FSTL5: variants seen among roughly 807,000 people sequenced by gnomAD.
FSTL5 encodes the protein follistatin like 5.
Under a neutral mutation model 89.1 loss-of-function variants are expected in FSTL5, and 62 were observed. The observed-to-expected ratio is 0.70, with a 90% CI of 0.57 to 0.86. The LOEUF is 0.86. Among genes scored for constraint, FSTL5 ranks in the 40% least tolerant of loss-of-function variants. The pLI is 0.00. For synonymous variants in FSTL5, 383 were observed against 346.2 expected (o/e 1.11, Z -1.18); for missense variants, 1,057 against 1,001.6 (o/e 1.06, Z -0.75).
intron 7 of FSTL5, among the ~76,000 whole-genome samples, chr4:161,607,611 G>A (rs776115444): frequency 4.6e-5 from 7 of 152,092 alleles, no homozygotes; most frequent in Non-Finnish European, 8.8e-5. Flanking sequence ...AGACTGCATG[G>A]CTATATTTTC....
intron 3 of FSTL5, among the ~76,000 whole-genome samples, chr4:162,010,720 T>C (rs545853833): frequency 6.6e-6 from 1 of 152,244 alleles, no homozygotes; most frequent in East Asian, 1.9e-4. Flanking sequence ...TGCGTTTGGC[T>C]TCTTTCACTT....
At chr4:161,908,125 G>T (rs949632884) in intron 4 of FSTL5, among the ~76,000 whole-genome samples, 4 of 151,858 alleles carry the variant, frequency 2.6e-5, no homozygotes, top group African/African-American at 4.8e-5. Flanking sequence ...AAGAATGAGA[G>T]TCCCTGCAAT....
At chr4:161,392,182 T>A (rs1730843035) in intron 15 of FSTL5, among the ~76,000 whole-genome samples, 1 of 152,120 alleles carries the variant, frequency 6.6e-6, no homozygotes, top group African/African-American at 2.4e-5. Flanking sequence ...GTCTACCACT[T>A]CTAGTGAGTA....
At chr4:161,793,858 C>T (rs1256587372) in intron 4 of FSTL5, among the ~76,000 whole-genome samples, 1 of 152,162 alleles carries the variant, frequency 6.6e-6, no homozygotes, top group East Asian at 1.9e-4. Context: ...ACCCTCCTGC[C>T]TCGGCTTCCC....
At chr4:161,890,241 T>C (rs1248784195) in intron 4 of FSTL5, among the ~76,000 whole-genome samples, 3 of 152,140 alleles carry the variant, frequency 2.0e-5, no homozygotes, top group Non-Finnish European at 4.4e-5. Flanking sequence ...TGGGTACACA[T>C]GATTAAACGT....
chr4:161,729,033 G>A (rs13119737), intron 6 of FSTL5, among the ~76,000 whole-genome samples: 19,839 of 152,000 alleles, frequency 0.13, 1,314 homozygotes, highest in Middle Eastern at 0.21. Context: ...TTACTTTCTG[G>A]AAGCACTGCC....
intron 7 of FSTL5, among the ~76,000 whole-genome samples, chr4:161,592,285 CATT>C (rs1332278616): frequency 6.6e-6 from 1 of 151,752 alleles, no homozygotes; most frequent in African/African-American, 2.4e-5. Flanking sequence ...TTATTATTAT[CATT>C]ATTATACATT....
intron 7 of FSTL5, among the ~76,000 whole-genome samples, chr4:161,614,658 A>G (rs1304928427): frequency 6.6e-6 from 1 of 152,214 alleles, no homozygotes; most frequent in Non-Finnish European, 1.5e-5. Context: ...CATTGCAAGT[A>G]ATCACTATAA....
chr4:161,960,310 G>A (rs1348837770), intron 3 of FSTL5, among the ~76,000 whole-genome samples: 1 of 151,508 alleles, frequency 6.6e-6, no homozygotes, highest in East Asian at 1.9e-4. Context: ...AGGATTATAG[G>A]CATGTGGCAC....
chr4:161,575,027 A>C (rs1733161757), intron 8 of FSTL5, among the ~76,000 whole-genome samples: 1 of 152,136 alleles, frequency 6.6e-6, no homozygotes, highest in African/African-American at 2.4e-5. Context: ...CTGACTTTTT[A>C]ATAATCGCCA....
intron 8 of FSTL5, among the ~76,000 whole-genome samples, chr4:161,553,886 G>A (rs1732298626): frequency 6.6e-6 from 1 of 151,526 alleles, no homozygotes; most frequent in South Asian, 2.1e-4. Context: ...CTATTGCTCA[G>A]TTTAAAAACG....
chr4:161,498,988 C>A lies in FSTL5; in HGVS notation c.1458+1028G>T, dbSNP rs1045111075. Among the ~76,000 whole-genome samples, 3 of 152,136 alleles carry A rather than the reference C, an allele frequency of 2.0e-5. No individual in the cohort carries two copies. The South Asian group carries it at 6.2e-4, about 32-fold the overall frequency. ...GGCCGAGGAGGGTGCATCACGAGGTCAGGAGTTCGAGATCAGCCTGGCCAA... is the reference window on the plus strand; with the variant it reads ...GGCCGAGGAGGGTGCATCACGAGGTAAGGAGTTCGAGATCAGCCTGGCCAA... On this transcript the variant is annotated intron_variant, in intron 12 of 15. Coordinates refer to ENST00000306100, the MANE Select transcript of FSTL5 (RefSeq NM_020116.5).
chr4:161,532,505 A>G (rs1731447266), intron 10 of FSTL5, among the ~76,000 whole-genome samples: 1 of 152,166 alleles, frequency 6.6e-6, no homozygotes, highest in Non-Finnish European at 1.5e-5. Flanking sequence ...AATCCCTGAA[A>G]TTATTTTTTG....
chr4:161,941,763 C>A (rs1005828274), intron 3 of FSTL5, among the ~76,000 whole-genome samples: 1 of 151,780 alleles, frequency 6.6e-6, no homozygotes, highest in Non-Finnish European at 1.5e-5. Context: ...AAATAAAGAA[C>A]TTTTCAAACA....
chr4:162,156,924 T>A (rs1579071439), intron 1 of FSTL5, among the ~76,000 whole-genome samples: 2 of 152,060 alleles, frequency 1.3e-5, no homozygotes, highest in South Asian at 2.1e-4. Flanking sequence ...TAACTTTTTT[T>A]AAAAAAAGAT....
At chr4:161,400,766 T>G (rs367806611) in intron 15 of FSTL5, among the ~76,000 whole-genome samples, 2 of 152,262 alleles carry the variant, frequency 1.3e-5, no homozygotes, top group African/African-American at 4.8e-5. Context: ...GATAAAATGC[T>G]TGCAGCTATT....
intron 15 of FSTL5, among the ~76,000 whole-genome samples, chr4:161,408,121 C>T (rs1166265930): frequency 6.6e-6 from 1 of 152,112 alleles, no homozygotes; most frequent in Non-Finnish European, 1.5e-5. Flanking sequence ...AACAGTTTGG[C>T]ATTGGAGGTG....
At chr4:161,852,535 T>G (rs570537172) in intron 4 of FSTL5, among the ~76,000 whole-genome samples, 43 of 152,314 alleles carry the variant, frequency 2.8e-4, no homozygotes, top group African/African-American at 9.1e-4. Context: ...AGTTCAACCA[T>G]TGTGGAAGAC....
intron 11 of FSTL5, among the ~76,000 whole-genome samples, chr4:161,508,494 A>G (rs891601440): frequency 1.3e-5 from 2 of 152,156 alleles, no homozygotes; most frequent in Non-Finnish European, 2.9e-5. Context: ...TGAAATCGTG[A>G]TGCATAAGAA....
Sources: gnomAD v4.1 joint callset for allele counts (sites outside exome capture counted in the v4.1 genomes callset) on GRCh38, gnomAD v4.1.1 for gene constraint, MANE v1.5 for transcripts, NCBI Gene and HGNC (gene_info 2026-07-23, HGNC 2026-07-21) for gene names.